Variants in TJP1 observed in about 807,000 individuals in gnomAD.
The protein encoded by TJP1 is tight junction protein 1, also known as tight junction protein ZO-1.
TJP1 carries 43 observed loss-of-function variants against 194.2 expected under a neutral mutation model. That is an observed-to-expected ratio of 0.22 (90% CI 0.17 to 0.29). The LOEUF is 0.29. Ranked by LOEUF, TJP1 falls within the 10% of genes least tolerant of loss-of-function variation. The pLI is 1.00. For missense variants in TJP1, 1,971 were observed against 2,185.7 expected, an observed-to-expected ratio of 0.90 and a Z score of 1.96; for synonymous variants, 801 against 779.0, an observed-to-expected ratio of 1.03 and a Z score of -0.47.
intron 8 of TJP1, among the ~76,000 whole-genome samples, chr15:29,743,272 C>T (rs997291839): frequency 2.0e-5 from 3 of 152,198 alleles, no homozygotes; most frequent in East Asian, 1.9e-4. Context: ...AAATAAAGTA[C>T]GTGCAAATAA....
At chr15:29,796,419 CTATT>C (rs1035684383) in intron 2 of TJP1, among the ~76,000 whole-genome samples, 30 of 143,636 alleles carry the variant, frequency 2.1e-4, no homozygotes, top group African/African-American at 7.0e-4. Context: ...AAAAAAAAAA[CTATT>C]TACAATAGCG....
At chr15:29,915,798 G>GCTA (rs150465618) in intron 2 of TJP1, among the ~76,000 whole-genome samples, 26,760 of 152,062 alleles carry the variant, frequency 0.18, 2,478 homozygotes, top group East Asian at 0.31. Flanking sequence ...AAAGTATGTA[G>GCTA]CTACTTTCTT....
At chr15:29,884,664 C>A (rs2053054494) in intron 2 of TJP1, among the ~76,000 whole-genome samples, 1 of 152,220 alleles carries the variant, frequency 6.6e-6, no homozygotes, top group South Asian at 2.1e-4. Context: ...CTTATCCATT[C>A]TTTTATTCCA....
At chr15:29,878,616 G>C (rs1162162858) in intron 2 of TJP1, among the ~76,000 whole-genome samples, 1 of 151,838 alleles carries the variant, frequency 6.6e-6, no homozygotes, top group Non-Finnish European at 1.5e-5. Flanking sequence ...AGGAGCCTCC[G>C]GAAGCCCAGA....
intron 2 of TJP1, among the ~76,000 whole-genome samples, chr15:29,794,225 G>A (rs2048270336): frequency 6.6e-6 from 1 of 152,136 alleles, no homozygotes; most frequent in East Asian, 1.9e-4. Context: ...GATGGCTGGT[G>A]AGGACTTTGA....
At chr15:29,968,538 G>T in intron 1 of TJP1, 1 of 807,824 alleles carries the variant, frequency 1.2e-6, no homozygotes, top group Non-Finnish European at 1.5e-6. Flanking sequence ...CCCGCGTCCC[G>T]TCGGGCCCGA....
chr15:29,906,844 T>C (rs528053936), intron 2 of TJP1, among the ~76,000 whole-genome samples: 5 of 152,088 alleles, frequency 3.3e-5, no homozygotes, highest in African/African-American at 1.2e-4. Context: ...TCTCCCAAAG[T>C]GCTGGGATTA....
intron 8 of TJP1, chr15:29,760,038 T>G (rs900531470): frequency 5.7e-6 from 3 of 528,152 alleles, no homozygotes; most frequent in Non-Finnish European, 6.7e-6. Context: ...TTGAGGAACC[T>G]CCATACTGTT....
chr15:29,703,179 G>A (rs1478498190), intron 27 of TJP1, among the ~76,000 whole-genome samples: 6 of 152,262 alleles, frequency 3.9e-5, no homozygotes, highest in South Asian at 2.1e-4. Flanking sequence ...GGCCAGGCAC[G>A]GTGGCTCACA....
chr15:29,902,522 A>G (rs1342429152), intron 2 of TJP1, among the ~76,000 whole-genome samples: 3 of 152,238 alleles, frequency 2.0e-5, no homozygotes, highest in South Asian at 4.1e-4. Context: ...AAAATGAACA[A>G]GAAAATCAGA....
At chr15:29,817,400 C>A (rs761727552) in intron 1 of TJP1, among the ~76,000 whole-genome samples, 14 of 152,146 alleles carry the variant, frequency 9.2e-5, no homozygotes, top group Non-Finnish European at 1.0e-4. Flanking sequence ...TAAATTAGTT[C>A]AACCATTGTG....
chr15:29,807,509 A>T (rs1476213931), intron 1 of TJP1, among the ~76,000 whole-genome samples: 1 of 152,216 alleles, frequency 6.6e-6, no homozygotes, highest in African/African-American at 2.4e-5. Flanking sequence ...GGAGGAAGGG[A>T]ATGGCATAGC....
intron 2 of TJP1, among the ~76,000 whole-genome samples, chr15:29,782,991 C>T (rs532452498): frequency 3.3e-5 from 5 of 151,320 alleles, no homozygotes; most frequent in Admixed American, 6.6e-5. Context: ...CCACAATGAG[C>T]GGCCGGGCGT....
At chr15:29,948,648 G>A (rs987325991) in intron 2 of TJP1, among the ~76,000 whole-genome samples, 2 of 152,118 alleles carry the variant, frequency 1.3e-5, no homozygotes, top group South Asian at 2.1e-4. Context: ...CAAGCCTACC[G>A]AGGAAGCCTA....
At chr15:29,776,683 A>G (rs2047034040) in intron 2 of TJP1, among the ~76,000 whole-genome samples, 1 of 152,152 alleles carries the variant, frequency 6.6e-6, no homozygotes, top group Non-Finnish European at 1.5e-5. Context: ...TCTTTCGGAA[A>G]ATACTGGTTC....
chr15:29,810,169 G>T (rs963618825), intron 1 of TJP1, among the ~76,000 whole-genome samples: 5 of 152,136 alleles, frequency 3.3e-5, no homozygotes, highest in Non-Finnish European at 7.4e-5. Context: ...ACTAACAGAT[G>T]AAAAGATATC....
chr15:29,788,497 T>C (rs1480143322), intron 2 of TJP1, among the ~76,000 whole-genome samples: 2 of 152,186 alleles, frequency 1.3e-5, no homozygotes, highest in African/African-American at 2.4e-5. Context: ...TCTTGTGAGG[T>C]AGGGGTCCAA....
At chr15:29,788,935 G>A (rs144973356) in intron 2 of TJP1, among the ~76,000 whole-genome samples, 145 of 152,224 alleles carry the variant, frequency 9.5e-4, no homozygotes, top group African/African-American at 3.4e-3. Context: ...ACACTAATAC[G>A]ATAAGCATCA....
At chr15:29,945,112 C>A (rs762602808) in intron 2 of TJP1, among the ~76,000 whole-genome samples, 44 of 152,204 alleles carry the variant, frequency 2.9e-4, no homozygotes, top group Non-Finnish European at 1.2e-4. Context: ...CTCATACTAA[C>A]CTTCCTCACT....
Sources: gnomAD v4.1 joint callset for allele counts (sites outside exome capture counted in the v4.1 genomes callset) on GRCh38, gnomAD v4.1.1 for gene constraint, MANE v1.5 for transcripts, NCBI Gene and HGNC (gene_info 2026-07-23, HGNC 2026-07-21) for gene names.